Variants in POLR2B observed in about 807,000 individuals in gnomAD.
POLR2B encodes the protein RNA polymerase II subunit B, also known as DNA-directed RNA polymerase II subunit RPB2.
POLR2B carries 57 observed loss-of-function variants against 144.6 expected under a neutral mutation model. That is an observed-to-expected ratio of 0.39 (90% confidence interval 0.32 to 0.49). The LOEUF is 0.49. Ranked by LOEUF, POLR2B falls within the 20% of genes least tolerant of loss-of-function variation. The pLI, the probability that POLR2B is intolerant of heterozygous loss-of-function variation, is 0.83. For synonymous variants in POLR2B, 442 were observed against 469.8 expected (o/e 0.94, Z 0.77); for missense variants, 595 against 1,467.4 (o/e 0.41, Z 9.71).
intron 10 of POLR2B, 59 bp downstream of exon 10, chr4:57,007,061 A>T (rs1283490449): frequency 1.7e-6 from 2 of 1,170,250 alleles, no homozygotes. Context: ...GGACTAGTAG[A>T]TTCTTTTGTT....
At chr4:56,989,473 A>G (rs1722444986) in intron 2 of POLR2B, among the ~76,000 whole-genome samples, 1 of 152,166 alleles carries the variant, frequency 6.6e-6, no homozygotes, top group Non-Finnish European at 1.5e-5. Flanking sequence ...CTAACTTCTA[A>G]TTTTGGTGGC....
chr4:56,992,683 T>C (rs28658568), intron 3 of POLR2B, among the ~76,000 whole-genome samples: 149,575 of 149,578 alleles, frequency 1, 74,786 homozygotes, highest in Non-Finnish European at 1. Context: ...CCTCAGCTTT[T>C]TGAGTTGCTG....
rs769395516 is a variant in POLR2B at position 57,020,993 on chromosome 4, C to T, written c.2418C>T (p.Phe806=). The change falls in exon 17 of 25, where the codon TTC becomes TTT. Residue 806 remains phenylalanine, a splice_region_variant and synonymous_variant. Transcript: ENST00000314595. The part of the protein sequence containing the change: ...MNRSAVDRGF[F]RSVFYRSYKE... ...GTTCAGCTGTAGACCGCGGCTTCTT[C>T]AGGTTAGTATTTTGTAAATTTGTCA... 6.5e-6 allele frequency: 10 copies of T among 1,539,636 alleles called. No individual in the cohort carries two copies. Among genetic ancestry groups the T allele is most frequent in the Non-Finnish European group, 8.1e-6 (9 of 1,112,090 alleles).
At chr4:57,028,103 A>G (rs1723783972) in intron 23 of POLR2B, among the ~76,000 whole-genome samples, 1 of 152,164 alleles carries the variant, frequency 6.6e-6, no homozygotes, top group African/African-American at 2.4e-5. Context: ...AACATCGTCA[A>G]CTTAATTCTA....
chr4:57,030,885 T>G lies in POLR2B; in HGVS notation c.3436-14T>G, dbSNP rs1417166519. ...ATACAATTCTGCTAATTACCATTTG[T>G]TTTTTCTTTTCAGATTTCTTTGGTG... On this transcript the variant is annotated splice_polypyrimidine_tract_variant and intron_variant, in intron 24 of 24. Coordinates refer to ENST00000314595, the MANE Select transcript of POLR2B (RefSeq NM_000938.3). 1.3e-6 allele frequency: 2 copies of G among 1,550,784 alleles called. No homozygotes were observed. Among genetic ancestry groups the G allele is most frequent in the East Asian group, 4.5e-5 (2 of 44,540 alleles).
intron 1 of POLR2B, among the ~76,000 whole-genome samples, chr4:56,980,146 A>C (rs1041257056): frequency 1.3e-5 from 2 of 149,534 alleles, no homozygotes; most frequent in Non-Finnish European, 3.0e-5. Flanking sequence ...GGCTGGTCTC[A>C]AACTCCTGAG....
intron 1 of POLR2B, among the ~76,000 whole-genome samples, chr4:56,982,729 A>G (rs1722194802): frequency 6.6e-6 from 1 of 152,214 alleles, no homozygotes; most frequent in Non-Finnish European, 1.5e-5. Context: ...AGATAATTTA[A>G]AAGATACAGG....
At chr4:56,988,452 T>C (rs971068484) in intron 2 of POLR2B, among the ~76,000 whole-genome samples, 1 of 151,918 alleles carries the variant, frequency 6.6e-6, no homozygotes, top group African/African-American at 2.4e-5. Context: ...TGACTTGAGC[T>C]CAGGAGTTTG....
chr4:56,993,215 A>T (rs2109659347), intron 3 of POLR2B, among the ~76,000 whole-genome samples: 1 of 151,934 alleles, frequency 6.6e-6, no homozygotes, highest in South Asian at 2.1e-4. Context: ...AGGCAGGAGA[A>T]TCACTTGAAC....
chr4:56,984,500 A>G (rs76878036), intron 1 of POLR2B, among the ~76,000 whole-genome samples: 3,757 of 152,230 alleles, frequency 0.025, 57 homozygotes, highest in Middle Eastern at 0.045. Context: ...ATTTGAAGGT[A>G]TTGTGATCTA....
rs202174206 is a variant in POLR2B at position 56,992,322 on chromosome 4, GGGTGT to G, written c.243+1429_243+1433del. On this transcript the variant is annotated intron_variant, in intron 3 of 24. Coordinates refer to ENST00000314595, the MANE Select transcript of POLR2B (RefSeq NM_000938.3). ...TACTAGTAAAGTACAAAAATTAGCC[GGGTGT>G]GGTGCCAGGCACCTGTAGTCCCAGC... 1.7e-3 allele frequency among the ~76,000 whole-genome samples: 260 copies of G among 151,402 alleles called. 3 individuals carry two copies. In the East Asian group the frequency reaches 0.05, roughly 29 times the overall value.
intron 17 of POLR2B, 27 bp from the exon 18 acceptor site, chr4:57,022,125 T>C (rs763252523): frequency 1.5e-6 from 2 of 1,362,978 alleles, no homozygotes; most frequent in African/African-American, 2.9e-5. Context: ...GAAAATAGAC[T>C]TTACCTTTAG....
At chr4:56,983,503 C>G (rs1467030482) in intron 1 of POLR2B, among the ~76,000 whole-genome samples, 3 of 150,952 alleles carry the variant, frequency 2.0e-5, no homozygotes, top group Non-Finnish European at 4.4e-5. Flanking sequence ...TCCTGAGTAG[C>G]TGGGATTTCA....
Position 57,024,132 on chromosome 4 carries a change from A to T in POLR2B, c.2964+20A>T. 8.0e-7 allele frequency: 1 copy of T among 1,256,772 alleles called. No individual in the cohort carries two copies. Among genetic ancestry groups the T allele is most frequent in the Non-Finnish European group, 1.2e-6 (1 of 866,844 alleles). The allele number at this position is 1,256,772 out of a possible 1,614,324, so 77.9% of individuals were successfully genotyped here. On this transcript the variant is annotated intron_variant, in intron 21 of 24. Coordinates refer to ENST00000314595, the MANE Select transcript of POLR2B (RefSeq NM_000938.3). The stretch of plus-strand genomic sequence containing the variant: ...GGGAAGGTAAGAGATGTTCTTCAAA[A>T]ATATAGATTCTAAGCTGATGCTTCT...
chr4:57,024,753 T>A (rs2109719218), intron 21 of POLR2B, 133 bp from the exon 22 acceptor site: 1 of 583,956 alleles, frequency 1.7e-6, no homozygotes, highest in East Asian at 3.1e-5. Flanking sequence ...ATCTTTGAAT[T>A]TTAAAATACT....
intron 7 of POLR2B, among the ~76,000 whole-genome samples, chr4:57,003,323 A>G (rs760260510): frequency 6.6e-6 from 1 of 152,066 alleles, no homozygotes; most frequent in African/African-American, 2.4e-5. Flanking sequence ...CCAGCTACTC[A>G]GGAGGCTGAG....
At chr4:56,996,206 A>ATGTG (rs59059584) in intron 6 of POLR2B, among the ~76,000 whole-genome samples, 17,580 of 115,108 alleles carry the variant, frequency 0.15, 1,508 homozygotes, top group East Asian at 0.36. Context: ...ATTTCAGTTC[A>ATGTG]TGTGTGTGTG....
At chr4:57,030,827 CT>C in intron 24 of POLR2B, 71 bp from the exon 25 acceptor site, 1 of 851,646 alleles carries the variant, frequency 1.2e-6, no homozygotes, top group South Asian at 1.4e-5. Flanking sequence ...AGATCTTTGT[CT>C]TTTTCTGGGG....
intron 1 of POLR2B, among the ~76,000 whole-genome samples, chr4:56,979,927 T>TCA (rs1243825459): frequency 6.0e-5 from 9 of 151,034 alleles, no homozygotes; most frequent in African/African-American, 2.2e-4. Flanking sequence ...CTTAGTTGAG[T>TCA]CTAGTGTATT....
Sources: allele counts gnomAD v4.1 joint callset (sites outside exome capture counted in the v4.1 genomes callset), GRCh38; gene constraint gnomAD v4.1.1; transcripts MANE v1.5; gene names NCBI Gene and HGNC (gene_info 2026-07-23, HGNC 2026-07-21).